Variants in ZC3H12B observed in about 807,000 individuals in gnomAD.
ZC3H12B encodes the protein zinc finger CCCH-type containing 12B, also known as probable ribonuclease ZC3H12B.
A neutral mutation model predicts 43.9 loss-of-function variants in ZC3H12B; 7 were observed. The observed-to-expected ratio is 0.16, with a 90% CI of 0.09 to 0.30. The LOEUF (loss-of-function observed/expected upper bound fraction) is 0.30. Ranked by LOEUF, ZC3H12B falls within the 10% of genes least tolerant of loss-of-function variation. ZC3H12B has a pLI of 1.00. For missense variants in ZC3H12B, 475 were observed against 670.2 expected (o/e 0.71, Z 3.22); for synonymous variants, 222 against 241.7 (o/e 0.92, Z 0.76).
the ZC3H12B span, among the ~76,000 whole-genome samples, chrX:65,248,114 C>T: frequency 9.0e-6 from 1 of 110,652 alleles, no homozygotes; most frequent in Non-Finnish European, 1.9e-5. Flanking sequence ...GTGATCTCGG[C>T]TCACTGCAAC....
chrX:65,347,716 C>T, the ZC3H12B span, among the ~76,000 whole-genome samples: 1 of 112,228 alleles, frequency 8.9e-6, no homozygotes, highest in African/African-American at 3.2e-5. Flanking sequence ...TACCATTTGA[C>T]CCAGGCATCC....
At chrX:65,137,032 A>T in the ZC3H12B span, among the ~76,000 whole-genome samples, 1 of 112,044 alleles carries the variant, frequency 8.9e-6, no homozygotes, top group Non-Finnish European at 1.9e-5. Flanking sequence ...CAGTTTAAGG[A>T]AATATAATTT....
the ZC3H12B span, among the ~76,000 whole-genome samples, chrX:65,074,862 C>G: frequency 8.9e-6 from 1 of 111,739 alleles, no homozygotes; most frequent in African/African-American, 3.3e-5. Flanking sequence ...ATTTATGTAT[C>G]CTATTGTTCT....
chrX:65,054,794 G>C, the ZC3H12B span, among the ~76,000 whole-genome samples: 1 of 111,277 alleles, frequency 9.0e-6, no homozygotes, highest in Non-Finnish European at 1.9e-5. Flanking sequence ...CCTTGAAGAA[G>C]TCCTTCACAT....
At chrX:65,058,584 C>T in the ZC3H12B span, among the ~76,000 whole-genome samples, 3 of 111,889 alleles carry the variant, frequency 2.7e-5, no homozygotes, top group Non-Finnish European at 5.6e-5. Flanking sequence ...GCTGGGAGAA[C>T]CACTACTGTC....
chrX:65,284,761 C>CA, the ZC3H12B span, among the ~76,000 whole-genome samples: 512 of 89,597 alleles, frequency 5.7e-3, 8 homozygotes, highest in South Asian at 0.066. Context: ...AACTCCATCT[C>CA]AAAAAAAAAA....
At chrX:65,458,643 G>A (rs1268039273) in intron 3 of ZC3H12B, among the ~76,000 whole-genome samples, 2 of 112,045 alleles carry the variant, frequency 1.8e-5, no homozygotes, top group Non-Finnish European at 3.8e-5. Context: ...CAGAAATAAA[G>A]ATGTTCTTTG....
the ZC3H12B span, among the ~76,000 whole-genome samples, chrX:65,142,760 C>A: frequency 8.9e-6 from 1 of 112,369 alleles, no homozygotes; most frequent in African/African-American, 3.2e-5. Context: ...AAAGGGTGTT[C>A]CTTTCCCACT....
the ZC3H12B span, among the ~76,000 whole-genome samples, chrX:65,156,224 C>T: frequency 9.0e-6 from 1 of 110,821 alleles, no homozygotes; most frequent in African/African-American, 3.3e-5. Flanking sequence ...CAGGGTCTTG[C>T]TGTGTCACCC....
chrX:65,064,268 C>G, the ZC3H12B span, among the ~76,000 whole-genome samples: 2 of 111,520 alleles, frequency 1.8e-5, no homozygotes, highest in African/African-American at 6.5e-5. Context: ...AGATCTTTCC[C>G]AGTTTCTGAT....
the ZC3H12B span, among the ~76,000 whole-genome samples, chrX:65,340,569 G>A: frequency 8.9e-6 from 1 of 112,075 alleles, no homozygotes; most frequent in African/African-American, 3.2e-5. Context: ...CAGATTTAGA[G>A]CAGGCAGTTC....
At chrX:65,057,368 T>G in the ZC3H12B span, among the ~76,000 whole-genome samples, 1 of 111,797 alleles carries the variant, frequency 8.9e-6, no homozygotes, top group African/African-American at 3.3e-5. Context: ...GATATGAAAT[T>G]CTGGGTTGAA....
the ZC3H12B span, among the ~76,000 whole-genome samples, chrX:65,127,829 C>G: frequency 9.0e-6 from 1 of 110,994 alleles, no homozygotes; most frequent in East Asian, 2.9e-4. Context: ...AGGCCTCACC[C>G]CCCTCCCACA....
At chrX:65,256,381 AAAATC>A in the ZC3H12B span, among the ~76,000 whole-genome samples, 12 of 89,663 alleles carry the variant, frequency 1.3e-4, no homozygotes, top group African/African-American at 1.1e-3. Context: ...CAATAATAAG[AAAATC>A]AATCAAAGTC....
At chrX:65,242,119 CG>C in the ZC3H12B span, among the ~76,000 whole-genome samples, 6 of 110,515 alleles carry the variant, frequency 5.4e-5, no homozygotes, top group Non-Finnish European at 1.1e-4. Flanking sequence ...TACTTTGGGT[CG>C]GTGCCACTCC....
the ZC3H12B span, among the ~76,000 whole-genome samples, chrX:65,115,999 G>C: frequency 1.8e-5 from 2 of 111,368 alleles, no homozygotes; most frequent in African/African-American, 6.5e-5. Context: ...TCTGTGGGTT[G>C]TGTGTTAACT....
the ZC3H12B span, among the ~76,000 whole-genome samples, chrX:65,329,213 C>T: frequency 9.0e-6 from 1 of 111,038 alleles, no homozygotes. Context: ...AGCACCTGTT[C>T]TTTCCTGACG....
At chrX:65,344,202 C>T in the ZC3H12B span, among the ~76,000 whole-genome samples, 3 of 112,129 alleles carry the variant, frequency 2.7e-5, no homozygotes, top group African/African-American at 6.5e-5. Flanking sequence ...AATAGGAAAA[C>T]ATTCCATGCT....
At chrX:65,232,955 A>G in the ZC3H12B span, among the ~76,000 whole-genome samples, 1 of 112,133 alleles carries the variant, frequency 8.9e-6, no homozygotes, top group Non-Finnish European at 1.9e-5. Flanking sequence ...TACTTACATC[A>G]GAAAAAAATA....
Sources: allele counts gnomAD v4.1 joint callset (sites outside exome capture counted in the v4.1 genomes callset), GRCh38; gene constraint gnomAD v4.1.1; transcripts MANE v1.5; gene names NCBI Gene and HGNC (gene_info 2026-07-23, HGNC 2026-07-21).